The following TP53I11 variants were observed in gnomAD, a reference collection of about 807,000 sequenced individuals.
TP53I11 encodes the protein tumor protein p53-inducible protein 11.
A neutral mutation model predicts 23.3 loss-of-function variants in TP53I11; 9 were observed. The observed-to-expected ratio is 0.39, with a 90% confidence interval of 0.23 to 0.67. The LOEUF is 0.67. Ranked by LOEUF, TP53I11 falls within the 30% of genes least tolerant of loss-of-function variation. The probability of loss-of-function intolerance (pLI) is 0.48; values close to 1 mark genes in which losing one functional copy is unlikely to be tolerated. For missense variants in TP53I11, 170 were observed against 255.2 expected, an observed-to-expected ratio of 0.67 and a Z score of 2.27; for synonymous variants, 100 against 106.1, an observed-to-expected ratio of 0.94 and a Z score of 0.35.
chr11:44,938,340 T>A lies in TP53I11; in HGVS notation c.-5A>T, dbSNP rs769857616. The stretch of plus-strand genomic sequence containing the variant: ...CGGGGGCTGCTTGGCCGCCATCTTC[T>A]CCTCCAGCCCGGCCTCTGCAGAAGG... On this transcript the variant is annotated 5_prime_UTR_variant, in exon 2 of 7. Transcript: ENST00000525680. The A allele has an allele frequency of 5.6e-6, 9 of 1,594,780 alleles. No individual in the cohort carries two copies. The highest frequency in any genetic ancestry group is 6.8e-6 in the Non-Finnish European group (8 of 1,171,240).
intron 1 of TP53I11, chr11:44,940,806 C>T (rs549279542): frequency 3.3e-5 from 5 of 152,302 alleles, no homozygotes. Context: ...GTTGGACTTT[C>T]AGAGAAAGCA....
At chr11:44,940,285 T>C (rs1319404815) in intron 1 of TP53I11, among the ~76,000 whole-genome samples, 1 of 152,182 alleles carries the variant, frequency 6.6e-6, no homozygotes, top group African/African-American at 2.4e-5. Flanking sequence ...TACAGCAAAA[T>C]TGACGGGCTT....
chr11:44,935,339 G>A (rs1391526954), intron 6 of TP53I11, among the ~76,000 whole-genome samples: 2 of 152,198 alleles, frequency 1.3e-5, no homozygotes, highest in Non-Finnish European at 2.9e-5. Flanking sequence ...ATAGATACAA[G>A]TGTGTGGATT....
chr11:44,944,894 C>T (rs939189699), intron 1 of TP53I11, among the ~76,000 whole-genome samples: 1 of 152,200 alleles, frequency 6.6e-6, no homozygotes, highest in Admixed American at 6.5e-5. Context: ...GGCGTCATTC[C>T]CATGCAGATC....
chr11:44,941,880 G>A (rs1390154341), intron 1 of TP53I11, among the ~76,000 whole-genome samples: 2 of 152,046 alleles, frequency 1.3e-5, no homozygotes, highest in Non-Finnish European at 2.9e-5. Flanking sequence ...CACCTCCGAG[G>A]GGCAGAAGCT....
rs1862895840 is a variant in TP53I11, at chr11:44,950,821, A to AGGGCC, written c.-177_-176insGGCCC. 1 of 151,790 alleles carries AGGGCC rather than the reference A, an allele frequency of 6.6e-6. No homozygotes were observed. Among genetic ancestry groups the AGGGCC allele is most frequent in the African/African-American group, 2.4e-5 (1 of 41,008 alleles). 9.4% of individuals were successfully genotyped at this position (151,790 alleles called of 1,614,324 possible). On this transcript the variant is annotated 5_prime_UTR_variant, in exon 1 of 7. Transcript: ENST00000525680. ...AGGGCAGGGCAGGACAGGGCAGGGC[A>AGGGCC]GGGCAGGGCCGGGCCGGCTGGACTG... is the stretch of plus-strand genomic sequence containing the variant.
intron 6 of TP53I11, 105 bp downstream of exon 6, chr11:44,935,456 C>G (rs1346125975): frequency 5.7e-6 from 6 of 1,045,950 alleles, no homozygotes; most frequent in Non-Finnish European, 8.7e-6. Flanking sequence ...CCTAGCCCCC[C>G]ACAGACAGGT....
Position 44,946,745 on chromosome 11 carries a change from A to T in TP53I11, c.-32+3932T>A, listed in dbSNP as rs139111864. On this transcript the variant is annotated intron_variant, in intron 1 of 6. Coordinates refer to ENST00000525680, the MANE Select transcript of TP53I11 (RefSeq NM_006034.5). ...ACAGGCAGATTCTGCCATCACTGGT[A>T]AGCCAGGCCCTGTCTTTGGGGCTCA... is the stretch of plus-strand genomic sequence containing the variant. Among the ~76,000 whole-genome samples, 1,040 of 152,294 alleles carry T rather than the reference A, an allele frequency of 6.8e-3. 7 individuals are homozygous for T. Among genetic ancestry groups the T allele is most frequent in the Non-Finnish European group, 0.011 (755 of 68,006 alleles).
In TP53I11 at chr11:44,933,318, G is replaced by C. The variant is rs895733003; in HGVS notation, c.*1566C>G. 1.4e-5 allele frequency: 2 copies of C among 142,056 alleles called. No homozygotes were observed. The highest frequency in any genetic ancestry group is 3.3e-5 in the Non-Finnish European group (2 of 61,114). 8.8% of individuals were successfully genotyped at this position (142,056 alleles called of 1,614,324 possible). ...GGACAGGGGTGAGGACCCCTGGCAG[G>C]GGCCCACCTGGCAGCAGCCAGAGCG... On this transcript the variant is annotated 3_prime_UTR_variant, in exon 7 of 7. Coordinates refer to ENST00000525680, the MANE Select transcript of TP53I11 (RefSeq NM_006034.5).
At chr11:44,939,015 C>G (rs1400144008) in intron 1 of TP53I11, 1 of 152,192 alleles carries the variant, frequency 6.6e-6, no homozygotes, top group Non-Finnish European at 1.5e-5. Flanking sequence ...ATCAGCCCCC[C>G]ACCAGCCCCT....
Position 44,934,821 on chromosome 11 carries a change from G to A in TP53I11, c.*63C>T. 1 of 1,602,952 alleles carries A rather than the reference G, an allele frequency of 6.2e-7. No individual in the cohort carries two copies. Among genetic ancestry groups the A allele is most frequent in the Non-Finnish European group, 8.5e-7 (1 of 1,173,744 alleles). ...CCTCCTGCCTTCCAGGAGCCAAAGG[G>A]AAGCCGAGGCCCCAGCGCCACTCTG... On this transcript the variant is annotated 3_prime_UTR_variant, in exon 7 of 7. Transcript: ENST00000525680.
At chr11:44,946,081 G>A (rs370952635) in intron 1 of TP53I11, among the ~76,000 whole-genome samples, 2 of 152,312 alleles carry the variant, frequency 1.3e-5, no homozygotes, top group Non-Finnish European at 1.5e-5. Context: ...CTCTTTGAAG[G>A]AGCCTCCCTT....
chr11:44,950,574 T>TCCCGTCGGCCGCAGGAGC (rs1430165861), intron 1 of TP53I11, 103 bp downstream of exon 1: 1 of 151,454 alleles, frequency 6.6e-6, no homozygotes, highest in African/African-American at 2.4e-5. Context: ...CCCTCTGCGG[T>TCCCGTCGGCCGCAGGAGC]CCCGTCGGCC....
intron 6 of TP53I11, 88 bp downstream of exon 6, chr11:44,935,473 C>T: frequency 8.0e-7 from 1 of 1,248,726 alleles, no homozygotes; most frequent in East Asian, 2.3e-5. Flanking sequence ...AGGTTTTCAT[C>T]ACTTCCCACA....
chr11:44,938,101 T>C lies in TP53I11; in HGVS notation c.129+106A>G, dbSNP rs190266735. On this transcript the variant is annotated intron_variant, in intron 2 of 6. Coordinates refer to ENST00000525680, the MANE Select transcript of TP53I11 (RefSeq NM_006034.5). Reference sequence around the variant, plus strand: ...TACATTTCTAGGAAAATCAGCTAAGTCCTAGAACTCCTGCGGCTACCTGGG... The same window carrying C: ...TACATTTCTAGGAAAATCAGCTAAGCCCTAGAACTCCTGCGGCTACCTGGG... The C allele has an allele frequency of 2.3e-4, 326 of 1,418,274 alleles. 2 individuals are homozygous for C. The East Asian group carries it at 7.6e-3, about 33-fold the overall frequency. The allele number at this position is 1,418,274 out of a possible 1,614,324, so 87.9% of individuals were successfully genotyped here. A position where few individuals can be genotyped will look rare whatever the true frequency, so the allele number is the denominator to read the frequency against.
At chr11:44,949,306 A>C (rs961984567) in intron 1 of TP53I11, among the ~76,000 whole-genome samples, 1 of 152,206 alleles carries the variant, frequency 6.6e-6, no homozygotes, top group Middle Eastern at 3.4e-3. Context: ...CCCTCTCCAC[A>C]GGCCGTCAGG....
Position 44,938,448 on chromosome 11 carries a change from C to T in TP53I11, c.-31-82G>A, listed in dbSNP as rs1358882833. On this transcript the variant is annotated intron_variant, in intron 1 of 6. Transcript: ENST00000525680. ...GGAAGGGGCCTGACTAGCGGAAGGC[C>T]ACACCCCACACCAGGCCTGCTGAGG... 3.6e-6 allele frequency: 5 copies of T among 1,406,722 alleles called. No homozygotes were observed. The Admixed American group carries it at 1.5e-4, about 42-fold the overall frequency. 87.1% of individuals were successfully genotyped at this position (1,406,722 alleles called of 1,614,324 possible).
intron 1 of TP53I11, among the ~76,000 whole-genome samples, chr11:44,946,489 G>A (rs1412673486): frequency 3.3e-5 from 5 of 152,256 alleles, no homozygotes; most frequent in African/African-American, 1.2e-4. Context: ...TGCAAAGAGT[G>A]AGGACAGAGC....
intron 1 of TP53I11, among the ~76,000 whole-genome samples, chr11:44,942,103 AATACGTGCACACACACGCCACACAAACC>A: frequency 1.2e-4 from 1 of 8,542 alleles, no homozygotes; most frequent in African/African-American, 4.3e-4. Flanking sequence ...CACACCACAC[AATACGTGCACACACACGCCACACAAACC>A]CACCACACAT....
Sources: allele counts gnomAD v4.1 joint callset (sites outside exome capture counted in the v4.1 genomes callset), GRCh38; gene constraint gnomAD v4.1.1; transcripts MANE v1.5; gene names NCBI Gene and HGNC (gene_info 2026-07-23, HGNC 2026-07-21).